The following FBXL19 variants were observed in gnomAD, a reference collection of about 807,000 sequenced individuals.
FBXL19 encodes F-box and leucine rich repeat protein 19, also known as F-box/LRR-repeat protein 19.
FBXL19 carries 16 observed loss-of-function variants against 71.2 expected under a neutral mutation model. The observed-to-expected ratio is 0.22, with a 90% confidence interval of 0.15 to 0.34. The LOEUF is 0.34. Ranked by LOEUF, FBXL19 falls within the 10% of genes least tolerant of loss-of-function variation. The pLI, the probability that FBXL19 is intolerant of heterozygous loss-of-function variation, is 1.00. For synonymous variants in FBXL19, 447 were observed against 409.4 expected (o/e 1.09, Z -1.11); for missense variants, 658 against 968.2 (o/e 0.68, Z 4.25).
chr16:30,927,769 C>A lies in FBXL19; in HGVS notation c.433C>A (p.Arg145Ser). Residue 145 changes from arginine to serine, a missense_variant, in exon 5 of 11, where the codon CGT becomes AGT. Arg to Ser is a moderately radical substitution (Grantham distance 110). Transcript: ENST00000338343. ...GGATTCAGGTGAGGGGCCTGGCCGCCGTAGGGCCGACAACGGCGAGGAGGG... is the reference window on the plus strand; with the variant it reads ...GGATTCAGGTGAGGGGCCTGGCCGCAGTAGGGCCGACAACGGCGAGGAGGG... ...SKDSGEGPGR[R>S]RADNGEEGAS... 2 of 1,557,210 alleles carry A rather than the reference C, an allele frequency of 1.3e-6. No homozygotes were observed. The highest frequency in any genetic ancestry group is 8.7e-7 in the Non-Finnish European group (1 of 1,151,114).
Position 30,942,213 on chromosome 16 carries a change from G to T in FBXL19, c.1399G>T (p.Ala467Ser). 1.3e-6 allele frequency: 2 copies of T among 1,592,922 alleles called. No individual in the cohort carries two copies. The highest frequency in any genetic ancestry group is 1.7e-6 in the Non-Finnish European group (2 of 1,169,900). ...LSGVVRRQPR[A>S]LDLSWTGVSK... ...TGGTGTGGTTCGCCGCCAGCCCCGTGCCCTGGACCTCAGCTGGACAGGTGT... is the reference window on the plus strand; with the variant it reads ...TGGTGTGGTTCGCCGCCAGCCCCGTTCCCTGGACCTCAGCTGGACAGGTGT... The change falls in exon 8 of 11, where the codon GCC (alanine) becomes TCC (serine). Residue 467 changes from alanine to serine, a missense_variant. Physicochemically the swap from Ala to Ser is moderately conservative, Grantham distance 99. This residue lies in a region of FBXL19 where 38 missense variants were observed against 92.3 expected (regional missense o/e 0.41). Coordinates refer to ENST00000338343, the MANE Select transcript of FBXL19 (RefSeq NM_001382779.1). The surrounding 1 kb of genome is among the most constrained non-coding windows in gnomAD (Gnocchi z 5.7).
In FBXL19 at chr16:30,927,943, C is replaced by T. The variant is rs369148968; in HGVS notation, c.607C>T (p.Pro203Ser). Residue 203 changes from proline (P) to serine (S), a missense_variant, in exon 5 of 11, where the codon CCT becomes TCT. Pro to Ser is a moderately conservative substitution (Grantham distance 74). Transcript: ENST00000338343. ...KRKEREAGNE[P>S]PTPRKKVKGG... is the part of the protein sequence containing the mutation. ...AAAGGAAAGGGAGGCAGGGAATGAG[C>T]CTCCCACCCCAAGGAAAAAGGTGAG... is the stretch of plus-strand genomic sequence containing the variant. The T allele has an allele frequency of 2.0e-6, 3 of 1,529,710 alleles. No individual in the cohort carries two copies. The highest frequency in any genetic ancestry group is 2.6e-6 in the Non-Finnish European group (3 of 1,146,568). The allele number at this position is 1,529,710 out of a possible 1,614,324, so 94.8% of individuals were successfully genotyped here. A position where few individuals can be genotyped will look rare whatever the true frequency, so the allele number is the denominator to read the frequency against.
At chr16:30,941,130 G>T (rs533870523) in intron 7 of FBXL19, among the ~76,000 whole-genome samples, 14 of 152,312 alleles carry the variant, frequency 9.2e-5, no homozygotes, top group African/African-American at 3.1e-4. Context: ...ATGAGGAGGT[G>T]GGGGAGAGTG....
intron 9 of FBXL19, among the ~76,000 whole-genome samples, chr16:30,943,787 G>A (rs1389417215): frequency 6.6e-6 from 1 of 152,150 alleles, no homozygotes; most frequent in Non-Finnish European, 1.5e-5. Context: ...ATAGGCGTGA[G>A]CCACCACACC....
At position 30,927,354 on chromosome 16, in the gene FBXL19, G is replaced by A; in HGVS notation, c.224G>A (p.Gly75Glu). 6.3e-7 allele frequency: 1 copy of A among 1,587,658 alleles called. No individual in the cohort carries two copies. The highest frequency in any genetic ancestry group is 8.6e-7 in the Non-Finnish European group (1 of 1,166,838). The change falls in exon 3 of 11, where the codon GGG becomes GAG. Residue 75 changes from glycine (G) to glutamate (E), a missense_variant. By Grantham distance (98) the Gly-to-Glu change is moderately conservative. This residue lies in a region of FBXL19 where 447 missense variants were observed against 515.4 expected (regional missense o/e 0.87). Coordinates refer to ENST00000338343, the MANE Select transcript of FBXL19 (RefSeq NM_001382779.1). Reference protein sequence around the residue: ...TAVCLLCGEAGKEDTVEGEEE... With the variant: ...TAVCLLCGEAEKEDTVEGEEE... The stretch of plus-strand genomic sequence containing the variant: ...GTGTGCCTCTTGTGTGGGGAGGCTG[G>A]GAAGGAGGACACGGTGGAGGGAGAG...
Position 30,942,544 on chromosome 16 carries a change from C to T in FBXL19, c.1627+8C>T, listed in dbSNP as rs1041282928. The T allele has an allele frequency of 1.9e-6, 3 of 1,571,054 alleles. No individual in the cohort carries two copies. The highest frequency in any genetic ancestry group is 2.6e-6 in the Non-Finnish European group (3 of 1,156,930). On this transcript the variant is annotated splice_region_variant and intron_variant, in intron 9 of 10. Coordinates refer to ENST00000338343, the MANE Select transcript of FBXL19 (RefSeq NM_001382779.1). This position sits in a 1 kb window ranked among gnomAD's most constrained non-coding sequence, Gnocchi z 5.7. ...CACCAGACACCAAACCAGGTGCAAC[C>T]TCTGTTTGCTTTTCTGGAGAATGGG...
intron 7 of FBXL19, among the ~76,000 whole-genome samples, chr16:30,931,099 C>G (rs146799462): frequency 6.6e-6 from 1 of 152,130 alleles, no homozygotes; most frequent in Admixed American, 6.5e-5. Flanking sequence ...CCTCCTGACT[C>G]GGTTCCTGCT....
chr16:30,940,850 T>G (rs1326750831), intron 7 of FBXL19, among the ~76,000 whole-genome samples: 3 of 152,048 alleles, frequency 2.0e-5, no homozygotes, highest in Non-Finnish European at 4.4e-5. Context: ...GTACTTTTAG[T>G]AGAGACAGGG....
At position 30,947,680 on chromosome 16, in the gene FBXL19, G is replaced by C; in HGVS notation, c.*450G>C. Reference sequence around the variant, plus strand: ...AAAGACCAGTTACTTGGAGTGGGGGGTGGGGGTGGGGCCACAAAAGGAAAA... The same window carrying C: ...AAAGACCAGTTACTTGGAGTGGGGGCTGGGGGTGGGGCCACAAAAGGAAAA... On this transcript the variant is annotated 3_prime_UTR_variant, in exon 11 of 11. Coordinates refer to ENST00000338343, the MANE Select transcript of FBXL19 (RefSeq NM_001382779.1). The C allele has an allele frequency of 6.1e-6, 2 of 329,598 alleles. No individual in the cohort carries two copies. Among genetic ancestry groups the C allele is most frequent in the Non-Finnish European group, 1.2e-5 (2 of 166,738 alleles). The allele number at this position is 329,598 out of a possible 1,614,324, so 20.4% of individuals were successfully genotyped here. A position where few individuals can be genotyped will look rare whatever the true frequency, so the allele number is the denominator to read the frequency against.
intron 7 of FBXL19, among the ~76,000 whole-genome samples, chr16:30,934,373 A>C (rs1308758572): frequency 6.6e-6 from 1 of 150,662 alleles, no homozygotes; most frequent in Non-Finnish European, 1.5e-5. Flanking sequence ...AAAAAAAAAA[A>C]ATGGCCGGGC....
rs1401859895 is a variant in FBXL19 at position 30,930,854 on chromosome 16, AGTG to A, written c.1301+276_1301+278del. Among the ~76,000 whole-genome samples the A allele has an allele frequency of 2.0e-5, 3 of 152,152 alleles. No individual in the cohort carries two copies. The highest frequency in any genetic ancestry group is 2.1e-4 in the South Asian group (1 of 4,834). On this transcript the variant is annotated intron_variant, in intron 7 of 10. Transcript: ENST00000338343. This position sits in a 1 kb window ranked among gnomAD's most constrained non-coding sequence, Gnocchi z 8.5. ...GAGGCCCAAGGTCATGTGGAAGAGA[AGTG>A]GTGGTAGAACTAGGCATTGGAACCT...
At chr16:30,923,052 G>A (rs1358295440), upstream of FBXL19, 2 of 456,690 alleles carry the variant, frequency 4.4e-6, no homozygotes, top group Admixed American at 4.7e-5. Context: ...TCCCTCTTCC[G>A]CCATCTTGCT....
At chr16:30,944,519 C>G (rs930270993) in intron 9 of FBXL19, among the ~76,000 whole-genome samples, 1 of 152,096 alleles carries the variant, frequency 6.6e-6, no homozygotes, top group African/African-American at 2.4e-5. Flanking sequence ...AGGACATGAT[C>G]TTGTTCTTTT....
chr16:30,940,807 C>T (rs2055794441), intron 7 of FBXL19, among the ~76,000 whole-genome samples: 1 of 152,110 alleles, frequency 6.6e-6, no homozygotes, highest in Admixed American at 6.6e-5. Flanking sequence ...GCTAGGATTA[C>T]AGGCGCCCGC....
At position 30,947,706 on chromosome 16, in the gene FBXL19, C is replaced by T; in HGVS notation, c.*476C>T. ...TGGGGGTGGGGCCACAAAAGGAAAA[C>T]CGGAGGAGCAATTGGGGATCCAGGT... On this transcript the variant is annotated 3_prime_UTR_variant, in exon 11 of 11. Coordinates refer to ENST00000338343, the MANE Select transcript of FBXL19 (RefSeq NM_001382779.1). 8.7e-6 allele frequency: 3 copies of T among 346,018 alleles called. No individual in the cohort carries two copies. The highest frequency in any genetic ancestry group is 6.3e-5 in the South Asian group (3 of 47,390). The allele number at this position is 346,018 out of a possible 1,614,324, so 21.4% of individuals were successfully genotyped here. A position where few individuals can be genotyped will look rare whatever the true frequency, so the allele number is the denominator to read the frequency against.
Position 30,925,596 on chromosome 16 carries a change from C to G in FBXL19, c.-24-135C>G. The G allele has an allele frequency of 1.0e-6, 1 of 976,286 alleles. No individual in the cohort carries two copies. Among genetic ancestry groups the G allele is most frequent in the Non-Finnish European group, 1.4e-6 (1 of 719,410 alleles). The allele number at this position is 976,286 out of a possible 1,614,324, so 60.5% of individuals were successfully genotyped here. A position where few individuals can be genotyped will look rare whatever the true frequency, so the allele number is the denominator to read the frequency against. ...AGTAGAGGATTGGCCCCCAGATACA[C>G]AGAAGGGGGTGACCTCCTTGTCCCC... On this transcript the variant is annotated intron_variant, in intron 1 of 10. Transcript: ENST00000338343. This position sits in a 1 kb window ranked among gnomAD's most constrained non-coding sequence, Gnocchi z 5.0.
chr16:30,930,115 C>T lies in FBXL19; in HGVS notation c.832C>T (p.Pro278Ser). 3 of 1,613,512 alleles carry T rather than the reference C, an allele frequency of 1.9e-6. No homozygotes were observed. The highest frequency in any genetic ancestry group is 2.5e-6 in the Non-Finnish European group (3 of 1,179,842). The change falls in exon 7 of 11, where the codon CCG (proline) becomes TCG (serine). Residue 278 changes from proline to serine, a missense_variant. Physicochemically the swap from Pro to Ser is moderately conservative, Grantham distance 74 (BLOSUM62 -1). Transcript: ENST00000338343. This position sits in a 1 kb window ranked among gnomAD's most constrained non-coding sequence, Gnocchi z 8.5. ...PLASAEGPAVPSPSPQREKLE... is the reference protein window; with the variant it reads ...PLASAEGPAVSSPSPQREKLE... ...GGCCTCTGCAGAGGGCCCAGCGGTGCCGTCCCCGTCCCCGCAGAGGGAGAA... is the reference window on the plus strand; with the variant it reads ...GGCCTCTGCAGAGGGCCCAGCGGTGTCGTCCCCGTCCCCGCAGAGGGAGAA...
intron 7 of FBXL19, among the ~76,000 whole-genome samples, chr16:30,931,415 C>T (rs960351811): frequency 2.0e-5 from 3 of 152,140 alleles, no homozygotes; most frequent in Non-Finnish European, 4.4e-5. Flanking sequence ...GGACAAAGGG[C>T]GGTATAAGTG....
In FBXL19 at chr16:30,947,963, GA is replaced by G. The variant is rs923702712; in HGVS notation, c.*734del. 6 of 420,298 alleles carry G rather than the reference GA, an allele frequency of 1.4e-5. No homozygotes were observed. The highest frequency in any genetic ancestry group is 1.2e-4 in the African/African-American group (6 of 48,648). The allele number at this position is 420,298 out of a possible 1,614,324, so 26.0% of individuals were successfully genotyped here. ...TCAGCTCGCGGCCCAGGGGAGTGGC[GA>G]GGGGCGCCCCAACCCCCTGCCCGCC... On this transcript the variant is annotated 3_prime_UTR_variant, in exon 11 of 11. Coordinates refer to ENST00000338343, the MANE Select transcript of FBXL19 (RefSeq NM_001382779.1).
Sources: allele counts gnomAD v4.1 joint callset (sites outside exome capture counted in the v4.1 genomes callset), GRCh38; gene constraint gnomAD v4.1.1; regional missense constraint gnomAD v4.1.1; non-coding constraint Gnocchi (gnomAD v3.1); transcripts MANE v1.5; gene names NCBI Gene and HGNC (gene_info 2026-07-23, HGNC 2026-07-21).